Variants in CDH8 observed in about 807,000 individuals in gnomAD.
The protein encoded by CDH8 is cadherin-8.
A neutral mutation model predicts 68.1 loss-of-function variants in CDH8; 17 were observed. That is an observed-to-expected ratio of 0.25 (90% CI 0.17 to 0.37). The LOEUF (loss-of-function observed/expected upper bound fraction) is 0.37. CDH8 is among the 10% of genes least tolerant of loss of function. CDH8 has a pLI of 1.00. For synonymous variants in CDH8, 372 were observed against 365.1 expected (o/e 1.02, Z -0.21); for missense variants, 763 against 999.3 (o/e 0.76, Z 3.19).
chr16:61,789,593 G>T, intron 7 of CDH8, 111 bp from the exon 8 acceptor site: 1 of 993,604 alleles, frequency 1.0e-6, no homozygotes, highest in Non-Finnish European at 1.4e-6. Flanking sequence ...CAAATGAATT[G>T]GGAAACTCAG....
chr16:61,931,859 A>C (rs1964544798), intron 2 of CDH8, among the ~76,000 whole-genome samples: 1 of 152,226 alleles, frequency 6.6e-6, no homozygotes, highest in Non-Finnish European at 1.5e-5. Flanking sequence ...GCTCATGCAC[A>C]TATACACAGA....
chr16:61,735,813 A>G (rs1443841556), intron 8 of CDH8, among the ~76,000 whole-genome samples: 1 of 152,038 alleles, frequency 6.6e-6, no homozygotes, highest in Non-Finnish European at 1.5e-5. Context: ...AGTGGCTCAC[A>G]CCTGTAATCC....
At chr16:61,768,369 C>CTCT (rs1567461189) in intron 8 of CDH8, among the ~76,000 whole-genome samples, 8 of 23,548 alleles carry the variant, frequency 3.4e-4, no homozygotes, top group Admixed American at 5.6e-4. Context: ...TCTCTCTCTC[C>CTCT]CTTTCTCTCT....
intron 9 of CDH8, among the ~76,000 whole-genome samples, chr16:61,724,368 A>G (rs1173531493): frequency 1.3e-5 from 2 of 150,778 alleles, no homozygotes; most frequent in Non-Finnish European, 3.0e-5. Flanking sequence ...AATTCAGTGG[A>G]AAAAATATAA....
chr16:62,031,146 T>C (rs1396369961), intron 1 of CDH8, among the ~76,000 whole-genome samples: 6 of 152,212 alleles, frequency 3.9e-5, no homozygotes, highest in African/African-American at 1.4e-4. Flanking sequence ...AATAGCATTC[T>C]TTGATGCAAG....
intron 4 of CDH8, among the ~76,000 whole-genome samples, chr16:61,833,940 C>T (rs1201881810): frequency 1.3e-5 from 2 of 151,878 alleles, no homozygotes; most frequent in Non-Finnish European, 2.9e-5. Context: ...ACCACCTCCT[C>T]TATTTCAACC....
At chr16:61,815,748 T>C (rs1962059032) in intron 7 of CDH8, among the ~76,000 whole-genome samples, 1 of 152,032 alleles carries the variant, frequency 6.6e-6, no homozygotes, top group Admixed American at 6.6e-5. Context: ...ACCAATCTCA[T>C]TTCCTCCCTT....
At chr16:61,950,047 C>T (rs1004883265) in intron 2 of CDH8, among the ~76,000 whole-genome samples, 2 of 151,954 alleles carry the variant, frequency 1.3e-5, no homozygotes, top group Non-Finnish European at 2.9e-5. Context: ...AGTTGCTATT[C>T]CCTGGCTTCT....
chr16:61,768,398 T>C (rs5010221), intron 8 of CDH8, among the ~76,000 whole-genome samples: 4,627 of 34,932 alleles, frequency 0.13, 35 homozygotes, highest in Middle Eastern at 0.21. Flanking sequence ...CTCTCTCCCT[T>C]TCTCTCTCTC....
chr16:61,830,075 C>T (rs1001291165), intron 4 of CDH8, among the ~76,000 whole-genome samples: 4 of 151,844 alleles, frequency 2.6e-5, no homozygotes, highest in African/African-American at 7.2e-5. Context: ...AATAGCCTTA[C>T]TATTCTCTTC....
chr16:61,843,272 C>T (rs1014310863), intron 4 of CDH8, among the ~76,000 whole-genome samples: 70 of 152,244 alleles, frequency 4.6e-4, no homozygotes, highest in Non-Finnish European at 2.6e-4. Context: ...TTGAGAGATG[C>T]GGGATTCAAG....
intron 4 of CDH8, among the ~76,000 whole-genome samples, chr16:61,855,592 C>T (rs866632470): frequency 6.6e-6 from 1 of 152,088 alleles, no homozygotes; most frequent in Non-Finnish European, 1.5e-5. Flanking sequence ...GTCTATTTTG[C>T]AGTGGCAATG....
intron 10 of CDH8, among the ~76,000 whole-genome samples, chr16:61,700,229 A>G (rs1031586313): frequency 6.6e-6 from 1 of 151,644 alleles, no homozygotes; most frequent in African/African-American, 2.4e-5. Flanking sequence ...CTTTGGATAT[A>G]CACCCAGTAG....
At chr16:61,919,879 A>G in intron 2 of CDH8, among the ~76,000 whole-genome samples, 1 of 152,224 alleles carries the variant, frequency 6.6e-6, no homozygotes, top group Non-Finnish European at 1.5e-5. Flanking sequence ...TAACCAAAAC[A>G]GCATGGTACT....
At chr16:61,925,286 A>G (rs1315340630) in intron 2 of CDH8, among the ~76,000 whole-genome samples, 1 of 152,238 alleles carries the variant, frequency 6.6e-6, no homozygotes, top group Non-Finnish European at 1.5e-5. Flanking sequence ...TAAGAAGAGC[A>G]AACAAGATTT....
At chr16:61,982,251 G>A (rs1449793413) in intron 2 of CDH8, among the ~76,000 whole-genome samples, 1 of 151,626 alleles carries the variant, frequency 6.6e-6, no homozygotes, top group African/African-American at 2.4e-5. Context: ...ACAGAGTCTC[G>A]CTCTATCGCC....
chr16:61,653,320 G>C lies in CDH8; in HGVS notation c.*288C>G. 1 of 1,207,288 alleles carries C rather than the reference G, an allele frequency of 8.3e-7. No individual in the cohort carries two copies. 74.8% of individuals were successfully genotyped at this position (1,207,288 alleles called of 1,614,324 possible). A position where few individuals can be genotyped will look rare whatever the true frequency, so the allele number is the denominator to read the frequency against. On this transcript the variant is annotated 3_prime_UTR_variant, in exon 12 of 12. Coordinates refer to ENST00000577390, the MANE Select transcript of CDH8 (RefSeq NM_001796.5). ...ATTTAAACCATTTATCTAAGGATTA[G>C]CCAGGATCCCAATCTTTGTCTGTGG... is the stretch of plus-strand genomic sequence containing the variant.
chr16:61,874,168 CCTA>C (rs749759781), intron 3 of CDH8, among the ~76,000 whole-genome samples: 3 of 151,928 alleles, frequency 2.0e-5, no homozygotes, highest in African/African-American at 4.8e-5. Context: ...AATATATATA[CCTA>C]CTATGTACCC....
chr16:61,820,313 G>GGTT (rs1962181362), intron 6 of CDH8, among the ~76,000 whole-genome samples: 2 of 92,962 alleles, frequency 2.2e-5, no homozygotes, highest in Non-Finnish European at 3.9e-5. Flanking sequence ...CTGCCTGTTT[G>GGTT]GTTTTTTTTT....
Sources: allele counts gnomAD v4.1 joint callset (sites outside exome capture counted in the v4.1 genomes callset), GRCh38; gene constraint gnomAD v4.1.1; transcripts MANE v1.5; gene names NCBI Gene and HGNC (gene_info 2026-07-23, HGNC 2026-07-21).